The following KHDRBS2 variants were observed in gnomAD, a reference collection of about 807,000 sequenced individuals.
KHDRBS2 encodes the protein KH domain-containing, RNA-binding, signal transduction-associated protein 2.
Under a neutral mutation model 44.3 loss-of-function variants are expected in KHDRBS2, and 26 were observed. That is an observed-to-expected ratio of 0.59 (90% CI 0.43 to 0.81). The LOEUF (loss-of-function observed/expected upper bound fraction) is 0.81. Ranked by LOEUF, KHDRBS2 falls within the 40% of genes least tolerant of loss-of-function variation. The probability of loss-of-function intolerance (pLI) is 0.00; values close to 1 mark genes in which losing one functional copy is unlikely to be tolerated. For missense variants in KHDRBS2, 476 were observed against 433.1 expected, an observed-to-expected ratio of 1.10 and a Z score of -0.88; for synonymous variants, 194 against 151.1, an observed-to-expected ratio of 1.28 and a Z score of -2.08.
intron 3 of KHDRBS2, among the ~76,000 whole-genome samples, chr6:61,997,784 A>G (rs2127255815): frequency 1.3e-5 from 2 of 152,278 alleles, no homozygotes; most frequent in East Asian, 3.9e-4. Context: ...CCCAGCTTAC[A>G]TGTTATTTTC....
At chr6:62,065,851 T>G (rs969534208) in intron 2 of KHDRBS2, among the ~76,000 whole-genome samples, 1 of 151,744 alleles carries the variant, frequency 6.6e-6, no homozygotes, top group Non-Finnish European at 1.5e-5. Context: ...ATAAAAATGA[T>G]TCAACATGAA....
intron 2 of KHDRBS2, among the ~76,000 whole-genome samples, chr6:62,058,076 T>C (rs182535925): frequency 1.3e-5 from 2 of 152,066 alleles, no homozygotes; most frequent in South Asian, 2.1e-4. Context: ...CATCTTTTCT[T>C]TTTTTACACG....
At chr6:61,828,518 C>A (rs1347328940) in intron 6 of KHDRBS2, among the ~76,000 whole-genome samples, 1 of 152,142 alleles carries the variant, frequency 6.6e-6, no homozygotes, top group Non-Finnish European at 1.5e-5. Flanking sequence ...TAACCCAGCA[C>A]TTGATAAAAC....
At chr6:62,216,537 T>C (rs1345347093) in intron 1 of KHDRBS2, among the ~76,000 whole-genome samples, 1 of 151,604 alleles carries the variant, frequency 6.6e-6, no homozygotes, top group African/African-American at 2.4e-5. Flanking sequence ...GTATTTAATA[T>C]ATATTCATTC....
At chr6:61,891,018 GTTTAC>G (rs1175619132) in intron 6 of KHDRBS2, among the ~76,000 whole-genome samples, 1 of 152,106 alleles carries the variant, frequency 6.6e-6, no homozygotes, top group African/African-American at 2.4e-5. Flanking sequence ...TATAAACTAT[GTTTAC>G]TTTATTTTAT....
chr6:61,861,225 C>T (rs1583212750), intron 6 of KHDRBS2, among the ~76,000 whole-genome samples: 1 of 151,948 alleles, frequency 6.6e-6, no homozygotes, highest in African/African-American at 2.4e-5. Flanking sequence ...TAATTAGATC[C>T]CACTGGTCAA....
intron 2 of KHDRBS2, among the ~76,000 whole-genome samples, chr6:62,128,462 CT>C (rs1443980410): frequency 6.6e-6 from 1 of 151,986 alleles, no homozygotes; most frequent in African/African-American, 2.4e-5. Context: ...AGATATCTTA[CT>C]GGAAATACAG....
intron 2 of KHDRBS2, among the ~76,000 whole-genome samples, chr6:62,091,829 G>T (rs1464384727): frequency 6.6e-6 from 1 of 152,072 alleles, no homozygotes; most frequent in Non-Finnish European, 1.5e-5. Context: ...TATAAAGCAC[G>T]GTTGATAGTA....
Position 62,106,142 on chromosome 6 carries a change from A to T in KHDRBS2, c.220-58148T>A, listed in dbSNP as rs367905295. On this transcript the variant is annotated intron_variant, in intron 2 of 8. Transcript: ENST00000281156. ...GTTTGATTGCACTGTGGTGTGAGAG[A>T]CAGTTTGTTATAATTTCTGTTCTTT... 1.8e-3 allele frequency among the ~76,000 whole-genome samples: 276 copies of T among 152,194 alleles called. 10 individuals carry two copies. The South Asian group carries it at 0.052, about 29-fold the overall frequency.
chr6:61,901,867 G>C (rs943285964), intron 4 of KHDRBS2, among the ~76,000 whole-genome samples: 42 of 152,194 alleles, frequency 2.8e-4, no homozygotes, highest in African/African-American at 9.2e-4. Context: ...AAAGAAGTAT[G>C]ATAGTATGTC....
chr6:61,667,314 T>C, the KHDRBS2 span, among the ~76,000 whole-genome samples: 1 of 151,096 alleles, frequency 6.6e-6, no homozygotes, highest in Non-Finnish European at 1.5e-5. Context: ...TAAACATAAA[T>C]TAGAATGTTT....
intron 4 of KHDRBS2, among the ~76,000 whole-genome samples, chr6:61,950,540 T>A (rs749765581): frequency 1.3e-5 from 2 of 152,036 alleles, no homozygotes; most frequent in Non-Finnish European, 2.9e-5. Flanking sequence ...ATACTTCATT[T>A]TGAGGGCTAT....
At chr6:62,009,249 G>A (rs1432491840) in intron 3 of KHDRBS2, among the ~76,000 whole-genome samples, 1 of 152,192 alleles carries the variant, frequency 6.6e-6, no homozygotes, top group Non-Finnish European at 1.5e-5. Flanking sequence ...GAGACTGGTG[G>A]CATTTTGCCC....
chr6:62,142,303 C>T (rs1293457395), intron 2 of KHDRBS2, among the ~76,000 whole-genome samples: 1 of 152,020 alleles, frequency 6.6e-6, no homozygotes, highest in Admixed American at 6.6e-5. Flanking sequence ...TTTTAGGTCT[C>T]TGTTTGTGTT....
intron 1 of KHDRBS2, among the ~76,000 whole-genome samples, chr6:62,195,017 G>A (rs1315055213): frequency 1.3e-5 from 2 of 152,024 alleles, no homozygotes; most frequent in African/African-American, 4.8e-5. Flanking sequence ...AGATCAGTAA[G>A]GGATATTATC....
chr6:61,779,212 C>T (rs1562161729), intron 6 of KHDRBS2, among the ~76,000 whole-genome samples: 1 of 151,746 alleles, frequency 6.6e-6, no homozygotes, highest in South Asian at 2.1e-4. Context: ...ATTTTAATGT[C>T]ACAAAAAATA....
intron 7 of KHDRBS2, among the ~76,000 whole-genome samples, chr6:61,726,094 T>C (rs1413487836): frequency 6.6e-6 from 1 of 152,142 alleles, no homozygotes; most frequent in Non-Finnish European, 1.5e-5. Context: ...AAAAAACTTA[T>C]TTAACATGAT....
At chr6:62,178,277 A>C (rs1821547942) in intron 1 of KHDRBS2, among the ~76,000 whole-genome samples, 1 of 151,532 alleles carries the variant, frequency 6.6e-6, no homozygotes, top group Non-Finnish European at 1.5e-5. Context: ...GTCTGATGAA[A>C]ACCAAGCTTT....
the KHDRBS2 span, among the ~76,000 whole-genome samples, chr6:61,581,596 A>G: frequency 2.7e-5 from 4 of 146,788 alleles, no homozygotes; most frequent in Admixed American, 2.1e-4. Flanking sequence ...TACAATATAC[A>G]ATATACAATA....
Sources: gnomAD v4.1 joint callset for allele counts (sites outside exome capture counted in the v4.1 genomes callset) on GRCh38, gnomAD v4.1.1 for gene constraint, MANE v1.5 for transcripts, NCBI Gene and HGNC (gene_info 2026-07-23, HGNC 2026-07-21) for gene names.